Variants in KDM2B observed in about 807,000 individuals in gnomAD.
KDM2B encodes the protein lysine demethylase 2B.
KDM2B carries 26 observed loss-of-function variants against 150.0 expected under a neutral mutation model. The observed-to-expected ratio is 0.17, with a 90% CI of 0.13 to 0.24. The LOEUF is 0.24. Ranked by LOEUF, KDM2B falls within the 10% of genes least tolerant of loss-of-function variation. The pLI is 1.00. For synonymous variants in KDM2B, 734 were observed against 729.5 expected (o/e 1.01, Z -0.10); for missense variants, 1,265 against 1,816.9 (o/e 0.70, Z 5.52).
chr12:121,429,959 C>T lies in KDM2B; in HGVS notation c.*329G>A. Reference sequence around the variant, plus strand: ...GAATGAAGTGTCCAAAACACCACTACCACTAACAGAAACTCCTAAGCTCAT... The same window carrying T: ...GAATGAAGTGTCCAAAACACCACTATCACTAACAGAAACTCCTAAGCTCAT... On this transcript the variant is annotated 3_prime_UTR_variant, in exon 23 of 23. Coordinates refer to ENST00000377071, the MANE Select transcript of KDM2B (RefSeq NM_032590.5). 1.4e-6 allele frequency: 1 copy of T among 699,304 alleles called. No homozygotes were observed. Among genetic ancestry groups the T allele is most frequent in the South Asian group, 1.7e-5 (1 of 58,060 alleles). The allele number at this position is 699,304 out of a possible 1,614,324, so 43.3% of individuals were successfully genotyped here.
chr12:121,551,922 A>G (rs1230249792), intron 4 of KDM2B, among the ~76,000 whole-genome samples: 2 of 152,218 alleles, frequency 1.3e-5, no homozygotes, highest in Non-Finnish European at 2.9e-5. Context: ...AAAAAAAGAA[A>G]GTAACACCTT....
At chr12:121,541,297 G>A (rs1240573055) in intron 6 of KDM2B, among the ~76,000 whole-genome samples, 13 of 151,262 alleles carry the variant, frequency 8.6e-5, no homozygotes, top group African/African-American at 3.2e-4. Flanking sequence ...ACTCCAGAAG[G>A]AGGGAGGAGG....
chr12:121,431,549 G>A (rs980390714), intron 22 of KDM2B, among the ~76,000 whole-genome samples: 20 of 152,142 alleles, frequency 1.3e-4, no homozygotes, highest in Non-Finnish European at 2.4e-4. Context: ...AGGGCAAACC[G>A]CAATCATGCA....
intron 17 of KDM2B, 38 bp downstream of exon 17, chr12:121,443,642 T>C: frequency 1.5e-6 from 2 of 1,299,674 alleles, no homozygotes; most frequent in Non-Finnish European, 2.2e-6. Flanking sequence ...GACTCGCCAG[T>C]CCCCGGGGCC....
At position 121,533,059 on chromosome 12, in the gene KDM2B, GC is replaced by G. The variant is rs1887796376; in HGVS notation, c.778-101del. 15 of 1,207,614 alleles carry G rather than the reference GC, an allele frequency of 1.2e-5. No individual in the cohort carries two copies. The South Asian group carries it at 2.1e-4, about 17-fold the overall frequency. The allele number at this position is 1,207,614 out of a possible 1,614,324, so 74.8% of individuals were successfully genotyped here. A position where few individuals can be genotyped will look rare whatever the true frequency, so the allele number is the denominator to read the frequency against. ...GGCGGAAGGGGAGGGGGCGAGACAAGCTGTGTGTGGGGTGGGGGGTGTGGAG... is the reference window on the plus strand; with the variant it reads ...GGCGGAAGGGGAGGGGGCGAGACAAGTGTGTGTGGGGTGGGGGGTGTGGAG... On this transcript the variant is annotated intron_variant, in intron 7 of 22. Coordinates refer to ENST00000377071, the MANE Select transcript of KDM2B (RefSeq NM_032590.5). The surrounding 1 kb of genome is among the most constrained non-coding windows in gnomAD (Gnocchi z 4.1).
chr12:121,444,766 G>C (rs1405527827), intron 14 of KDM2B: 1 of 580,906 alleles, frequency 1.7e-6, no homozygotes, highest in Non-Finnish European at 3.1e-6. Context: ...TGGGACCCTG[G>C]GCAAGACACT....
the KDM2B span, among the ~76,000 whole-genome samples, chr12:121,419,204 T>C: frequency 6.6e-6 from 1 of 152,378 alleles, no homozygotes; most frequent in African/African-American, 2.4e-5. Flanking sequence ...CAAATACTTA[T>C]TACTGTGTTA....
intron 6 of KDM2B, among the ~76,000 whole-genome samples, chr12:121,541,252 C>T (rs1361619325): frequency 6.6e-6 from 1 of 151,522 alleles, no homozygotes; most frequent in Non-Finnish European, 1.5e-5. Context: ...AATAAATAAG[C>T]CAGGGGATAG....
chr12:121,492,998 C>T (rs918097403), intron 12 of KDM2B, among the ~76,000 whole-genome samples: 3 of 149,338 alleles, frequency 2.0e-5, no homozygotes, highest in Non-Finnish European at 3.0e-5. Context: ...TGGGCTCAAG[C>T]GATCCTCCTG....
At chr12:121,464,362 G>A (rs1196893988) in intron 12 of KDM2B, among the ~76,000 whole-genome samples, 3 of 152,344 alleles carry the variant, frequency 2.0e-5, no homozygotes, top group Non-Finnish European at 4.4e-5. Flanking sequence ...GAAGTCTGTG[G>A]GAGAAGTTCC....
chr12:121,497,193 T>C (rs1409003134), intron 11 of KDM2B, among the ~76,000 whole-genome samples: 1 of 152,156 alleles, frequency 6.6e-6, no homozygotes, highest in African/African-American at 2.4e-5. Context: ...ATAGTCAATG[T>C]CAATGATTTG....
chr12:121,415,813 A>G, the KDM2B span, among the ~76,000 whole-genome samples: 2 of 146,822 alleles, frequency 1.4e-5, no homozygotes, highest in Admixed American at 1.4e-4. Flanking sequence ...TATCCCAAAT[A>G]TACCACAGGA....
Position 121,570,048 on chromosome 12 carries a change from G to T in KDM2B, c.397+4499C>A, listed in dbSNP as rs560352795. ...TGTTTTGGGTTTTTTGGGTTTTTTT[G>T]GTTTTGTTTTGTTTTGTTTGAGACA... is the stretch of plus-strand genomic sequence containing the variant. On this transcript the variant is annotated intron_variant, in intron 4 of 22. Coordinates refer to ENST00000377071, the MANE Select transcript of KDM2B (RefSeq NM_032590.5). Among the ~76,000 whole-genome samples, 12 of 151,442 alleles carry T rather than the reference G, an allele frequency of 7.9e-5. 1 individual carries two copies. In the East Asian group the frequency reaches 2.1e-3, roughly 27 times the overall value.
chr12:121,577,499 A>T (rs1274419335), intron 2 of KDM2B, among the ~76,000 whole-genome samples: 1 of 151,102 alleles, frequency 6.6e-6, no homozygotes, highest in Non-Finnish European at 1.5e-5. Flanking sequence ...TCCCCCAACA[A>T]ACACCCCTCA....
chr12:121,431,415 C>T (rs1872994964), intron 22 of KDM2B, among the ~76,000 whole-genome samples: 1 of 149,842 alleles, frequency 6.7e-6, no homozygotes, highest in African/African-American at 2.5e-5. Context: ...TCCCAAAGTG[C>T]TGGGATTACA....
At chr12:121,423,643 G>T in the KDM2B span, 2 of 1,362,154 alleles carry the variant, frequency 1.5e-6, no homozygotes, top group African/African-American at 2.9e-5. The surrounding 1 kb of genome is among the most constrained non-coding windows in gnomAD (Gnocchi z 4.3). Context: ...GCACAGAAGG[G>T]ACTGGAAAGT....
downstream of KDM2B, among the ~76,000 whole-genome samples, chr12:121,426,999 C>G (rs1555284335): frequency 6.6e-6 from 1 of 152,194 alleles, no homozygotes; most frequent in African/African-American, 2.4e-5. Flanking sequence ...AGTGAAGTCT[C>G]TTTATCCCAT....
At chr12:121,441,364 T>G in intron 19 of KDM2B, 131 bp from the exon 20 acceptor site, 3 of 803,166 alleles carry the variant, frequency 3.7e-6, no homozygotes, top group Non-Finnish European at 5.8e-6. Context: ...GACCCTTCTC[T>G]ATGTAGCACC....
intron 11 of KDM2B, among the ~76,000 whole-genome samples, chr12:121,496,122 T>C (rs1555300932): frequency 6.6e-6 from 1 of 152,048 alleles, no homozygotes; most frequent in African/African-American, 2.4e-5. Context: ...AGGATTTTAG[T>C]GCTACCCCAA....
Sources: allele counts gnomAD v4.1 joint callset (sites outside exome capture counted in the v4.1 genomes callset), GRCh38; gene constraint gnomAD v4.1.1; non-coding constraint Gnocchi (gnomAD v3.1); transcripts MANE v1.5; gene names NCBI Gene and HGNC (gene_info 2026-07-23, HGNC 2026-07-21).